The following CAMTA1 variants were observed in gnomAD, a reference collection of about 807,000 sequenced individuals.
The protein encoded by CAMTA1 is calmodulin-binding transcription activator 1.
A neutral mutation model predicts 170.9 loss-of-function variants in CAMTA1; 27 were observed. The ratio of observed to expected loss-of-function variants is 0.16; its 90% CI spans 0.12 to 0.22. The LOEUF (loss-of-function observed/expected upper bound fraction) is 0.22, where lower values mean the gene tolerates loss of function less well. CAMTA1 is among the 10% of genes least tolerant of loss of function. The probability of loss-of-function intolerance (pLI) is 1.00; values close to 1 mark genes in which losing one functional copy is unlikely to be tolerated. For missense variants in CAMTA1, 1,619 were observed against 2,217.2 expected (o/e 0.73, Z 5.42); for synonymous variants, 833 against 891.5 (o/e 0.93, Z 1.17).
In CAMTA1 at chr1:6,808,353, T is replaced by A. The variant is rs78256226; in HGVS notation, c.46-11828T>A. ...TACAGTCACGTCACATTTTTTAGAC[T>A]CTGATTGTTCCAAGGTCCCACAGTG... On this transcript the variant is annotated intron_variant, in intron 1 of 22. Transcript: ENST00000303635. Among the ~76,000 whole-genome samples, 330 of 152,234 alleles carry A rather than the reference T, an allele frequency of 2.2e-3. 19 individuals carry two copies. The East Asian group carries it at 0.06, about 28-fold the overall frequency.
chr1:7,018,219 T>A (rs1011511102), intron 3 of CAMTA1, among the ~76,000 whole-genome samples: 2 of 148,234 alleles, frequency 1.3e-5, no homozygotes, highest in African/African-American at 5.0e-5. Context: ...GGCTTAGGAC[T>A]CCTCTCTCGA....
At chr1:7,577,562 CT>C (rs910165989) in intron 6 of CAMTA1, among the ~76,000 whole-genome samples, 90 of 146,648 alleles carry the variant, frequency 6.1e-4, no homozygotes, top group Non-Finnish European at 8.0e-4. Context: ...CCCTACAACC[CT>C]TTTTTTTTTT....
intron 5 of CAMTA1, among the ~76,000 whole-genome samples, chr1:7,343,030 C>T (rs1004527934): frequency 6.6e-6 from 1 of 152,170 alleles, no homozygotes; most frequent in Non-Finnish European, 1.5e-5. Flanking sequence ...TTTTCTCTGA[C>T]CCTACGCATG....
intron 6 of CAMTA1, among the ~76,000 whole-genome samples, chr1:7,522,280 C>T (rs777938837): frequency 1.3e-5 from 2 of 152,104 alleles, no homozygotes; most frequent in Non-Finnish European, 2.9e-5. Context: ...GCTTACATGC[C>T]ATCTGTATAT....
chr1:7,525,088 G>A (rs974839227), intron 6 of CAMTA1, among the ~76,000 whole-genome samples: 1 of 152,178 alleles, frequency 6.6e-6, no homozygotes, highest in Non-Finnish European at 1.5e-5. Context: ...GTCGGCCCCC[G>A]TCGCGCTGCA....
intron 5 of CAMTA1, among the ~76,000 whole-genome samples, chr1:7,448,418 G>A (rs1368506921): frequency 6.6e-6 from 1 of 152,206 alleles, no homozygotes; most frequent in Non-Finnish European, 1.5e-5. Flanking sequence ...CCAGGTGGGT[G>A]CTCAGCTGAG....
At chr1:6,947,238 A>G (rs1434938226) in intron 3 of CAMTA1, among the ~76,000 whole-genome samples, 1 of 152,238 alleles carries the variant, frequency 6.6e-6, no homozygotes, top group Non-Finnish European at 1.5e-5. Context: ...TTTGAAATTG[A>G]GAACTATGAG....
chr1:7,241,636 T>C (rs1401861001), intron 4 of CAMTA1, among the ~76,000 whole-genome samples: 1 of 152,194 alleles, frequency 6.6e-6, no homozygotes, highest in Non-Finnish European at 1.5e-5. Flanking sequence ...AATAAAATCA[T>C]ATGTTTATGG....
chr1:7,740,100 A>C (rs2096800854), intron 16 of CAMTA1, among the ~76,000 whole-genome samples: 3 of 152,208 alleles, frequency 2.0e-5, no homozygotes, highest in Admixed American at 2.0e-4. Context: ...TCAACATGAG[A>C]TTTTGGTGGG....
intron 5 of CAMTA1, among the ~76,000 whole-genome samples, chr1:7,437,068 G>A (rs1003347816): frequency 3.3e-5 from 5 of 152,040 alleles, no homozygotes; most frequent in African/African-American, 1.2e-4. Flanking sequence ...GCAGAAAGGG[G>A]AAACTGACAG....
At chr1:7,688,381 T>C (rs2096276623) in intron 11 of CAMTA1, among the ~76,000 whole-genome samples, 1 of 152,134 alleles carries the variant, frequency 6.6e-6, no homozygotes, top group Admixed American at 6.5e-5. Flanking sequence ...AAGAAAGGCC[T>C]CTTGGCAAAG....
intron 6 of CAMTA1, among the ~76,000 whole-genome samples, chr1:7,511,591 C>T (rs1368831576): frequency 6.6e-6 from 1 of 152,146 alleles, no homozygotes; most frequent in Non-Finnish European, 1.5e-5. Context: ...GCATTCCCCA[C>T]ATCCCGGGGT....
chr1:7,756,781 G>A (rs1352801644), intron 22 of CAMTA1, among the ~76,000 whole-genome samples: 1 of 152,186 alleles, frequency 6.6e-6, no homozygotes, highest in East Asian at 1.9e-4. Context: ...CTGGGAGGTT[G>A]AGGCTGCAGT....
intron 6 of CAMTA1, among the ~76,000 whole-genome samples, chr1:7,509,988 C>T (rs1247066883): frequency 6.7e-6 from 1 of 150,356 alleles, no homozygotes; most frequent in African/African-American, 2.5e-5. Flanking sequence ...CCCGAGTCAT[C>T]CTGCAAAAAC....
At chr1:7,551,844 T>C (rs1268613156) in intron 6 of CAMTA1, among the ~76,000 whole-genome samples, 1 of 152,206 alleles carries the variant, frequency 6.6e-6, no homozygotes, top group African/African-American at 2.4e-5. Context: ...CCTCTTAGGC[T>C]TCTCTCCATT....
chr1:7,243,224 G>A (rs1665207344), intron 4 of CAMTA1, among the ~76,000 whole-genome samples: 1 of 152,074 alleles, frequency 6.6e-6, no homozygotes, highest in Admixed American at 6.5e-5. Flanking sequence ...GCTATTCTTA[G>A]TGCTTCTTCC....
At chr1:7,231,487 C>G (rs1360043074) in intron 4 of CAMTA1, among the ~76,000 whole-genome samples, 1 of 152,134 alleles carries the variant, frequency 6.6e-6, no homozygotes, top group Non-Finnish European at 1.5e-5. Context: ...ATTCTCCTGT[C>G]TTAGTCTCCC....
chr1:7,473,839 C>T (rs375170668), intron 6 of CAMTA1, among the ~76,000 whole-genome samples: 39 of 152,382 alleles, frequency 2.6e-4, no homozygotes, highest in East Asian at 1.5e-3. Context: ...TCTCCACTGA[C>T]GCCGGAACCT....
chr1:6,942,194 T>A (rs924234270), intron 3 of CAMTA1, among the ~76,000 whole-genome samples: 7 of 152,170 alleles, frequency 4.6e-5, no homozygotes, highest in African/African-American at 1.4e-4. Context: ...TGTTCAGAAT[T>A]TTTAATCAAC....
Sources: gnomAD v4.1 joint callset for allele counts (sites outside exome capture counted in the v4.1 genomes callset) on GRCh38, gnomAD v4.1.1 for gene constraint, MANE v1.5 for transcripts, NCBI Gene and HGNC (gene_info 2026-07-23, HGNC 2026-07-21) for gene names.